The following CAMK2B variants were observed in gnomAD, a reference collection of about 807,000 sequenced individuals.
CAMK2B encodes calcium/calmodulin-dependent protein kinase type II subunit beta.
CAMK2B carries 27 observed loss-of-function variants against 93.7 expected under a neutral mutation model. The ratio of observed to expected loss-of-function variants is 0.29; its 90% CI spans 0.21 to 0.40. The LOEUF is 0.40. CAMK2B is among the 10% of genes least tolerant of loss of function. The probability of loss-of-function intolerance (pLI) is 1.00; values close to 1 mark genes in which losing one functional copy is unlikely to be tolerated. For missense variants in CAMK2B, 568 were observed against 895.8 expected (o/e 0.63, Z 4.67); for synonymous variants, 374 against 358.8 (o/e 1.04, Z -0.48).
At chr7:44,274,371 TC>T (rs1429263408) in intron 2 of CAMK2B, among the ~76,000 whole-genome samples, 1 of 152,058 alleles carries the variant, frequency 6.6e-6, no homozygotes, top group Admixed American at 6.5e-5. Context: ...CTGCAGCTGT[TC>T]CCCCTCGAGC....
rs551329197 is a variant in CAMK2B, at chr7:44,244,326, C to A, written c.415-799G>T. 2.0e-5 allele frequency among the ~76,000 whole-genome samples: 3 copies of A among 152,296 alleles called. No individual in the cohort carries two copies. The East Asian group carries it at 5.8e-4, about 29-fold the overall frequency. ...CAAGGAGGCCTGGGGGCACTTGGCA[C>A]TGAGGGCCTGAGGGGGTCCCAGGGC... On this transcript the variant is annotated intron_variant, in intron 6 of 23. Coordinates refer to ENST00000395749, the MANE Select transcript of CAMK2B (RefSeq NM_001220.5).
In CAMK2B at chr7:44,247,113, G is replaced by T; in HGVS notation, c.414+7C>A. 6.2e-7 allele frequency: 1 copy of T among 1,610,466 alleles called. No homozygotes were observed. The highest frequency in any genetic ancestry group is 8.5e-7 in the Non-Finnish European group (1 of 1,176,788). On this transcript the variant is annotated splice_region_variant and intron_variant, in intron 6 of 23. Transcript: ENST00000395749. ...GACACCTGGCACAGAGTGGGGTGGG[G>T]ACTCACCTTGAGGTCTCTGTGGACG...
At chr7:44,277,177 G>A (rs932256929) in intron 2 of CAMK2B, among the ~76,000 whole-genome samples, 3 of 152,310 alleles carry the variant, frequency 2.0e-5, no homozygotes, top group Non-Finnish European at 4.4e-5. Flanking sequence ...GCGGGCGGGG[G>A]GTTGGGGTAG....
At chr7:44,298,723 A>G (rs569692502) in intron 1 of CAMK2B, among the ~76,000 whole-genome samples, 27 of 152,372 alleles carry the variant, frequency 1.8e-4, no homozygotes, top group African/African-American at 6.0e-4. Context: ...AAGAACTTGA[A>G]TAGACATTTC....
chr7:44,313,605 A>C (rs1217630428), intron 1 of CAMK2B, among the ~76,000 whole-genome samples: 3 of 151,326 alleles, frequency 2.0e-5, no homozygotes, highest in Admixed American at 2.0e-4. Context: ...TCAGTCACAC[A>C]GCCCTGAAAG....
Position 44,220,676 on chromosome 7 carries a change from G to A in CAMK2B, c.1708C>T (p.Pro570Ser), listed in dbSNP as rs773658061. The change falls in exon 22 of 24, where the codon CCT becomes TCT. Residue 570 changes from proline to serine, a missense_variant. Pro to Ser is a moderately conservative substitution (Grantham distance 74, BLOSUM62 -1). This residue lies in a region of CAMK2B where 116 missense variants were observed against 188.0 expected (regional missense o/e 0.62). Coordinates refer to ENST00000395749, the MANE Select transcript of CAMK2B (RefSeq NM_001220.5). ...ICDPGLTSFE[P>S]EALGNLVEGM... The stretch of plus-strand genomic sequence containing the variant: ...TCAACCAGGTTGCCCAGTGCTTCAG[G>A]CTCAAACGAGGTCAGCCCTGGGTCA... 2 of 1,613,618 alleles carry A rather than the reference G, an allele frequency of 1.2e-6. No homozygotes were observed. The highest frequency in any genetic ancestry group is 8.5e-7 in the Non-Finnish European group (1 of 1,179,894).
At chr7:44,262,200 C>T (rs375555010) in intron 3 of CAMK2B, among the ~76,000 whole-genome samples, 1 of 152,206 alleles carries the variant, frequency 6.6e-6, no homozygotes, top group African/African-American at 2.4e-5. Flanking sequence ...CCCAGCTGTT[C>T]CTTTGGAACA....
At chr7:44,318,908 G>C (rs2116492237) in intron 1 of CAMK2B, among the ~76,000 whole-genome samples, 1 of 152,306 alleles carries the variant, frequency 6.6e-6, no homozygotes, top group East Asian at 1.9e-4. Flanking sequence ...CTCAACAAGT[G>C]ACCCTCTAAC....
chr7:44,237,283 CA>C (rs932629108), intron 13 of CAMK2B, among the ~76,000 whole-genome samples: 1 of 152,230 alleles, frequency 6.6e-6, no homozygotes, highest in African/African-American at 2.4e-5. Context: ...TTGAGTCTAT[CA>C]AAACCTGCAT....
chr7:44,223,330 T>G (rs1008247228), intron 20 of CAMK2B, among the ~76,000 whole-genome samples: 4 of 152,210 alleles, frequency 2.6e-5, no homozygotes, highest in Non-Finnish European at 1.5e-5. Context: ...ATGTCATGGA[T>G]GGTCCTCAGG....
chr7:44,257,257 G>A (rs1357409310), intron 4 of CAMK2B, among the ~76,000 whole-genome samples: 2 of 152,166 alleles, frequency 1.3e-5, no homozygotes, highest in African/African-American at 4.8e-5. Context: ...TGGCCTGGAG[G>A]CTGGCTGAGG....
intron 1 of CAMK2B, among the ~76,000 whole-genome samples, chr7:44,285,864 G>A (rs1209568863): frequency 2.3e-5 from 2 of 88,654 alleles, no homozygotes; most frequent in African/African-American, 8.6e-5. Context: ...CGGCGTGGGG[G>A]GCGCGGCGGG....
At position 44,225,864 on chromosome 7, in the gene CAMK2B, G is replaced by A. The variant is rs901747424; in HGVS notation, c.1597+652C>T. On this transcript the variant is annotated intron_variant, in intron 20 of 23. Transcript: ENST00000395749. This position sits in a 1 kb window ranked among gnomAD's most constrained non-coding sequence, Gnocchi z 5.0. ...CTGGTGTCTCCCCACAGGTGGGGGT[G>A]GCAGCAGCCCTGGGATGTCATCCAT... is the stretch of plus-strand genomic sequence containing the variant. 2.3e-6 allele frequency: 3 copies of A among 1,289,222 alleles called. No homozygotes were observed. Among genetic ancestry groups the A allele is most frequent in the Non-Finnish European group, 3.0e-6 (3 of 988,722 alleles). 79.9% of individuals were successfully genotyped at this position (1,289,222 alleles called of 1,614,324 possible).
At chr7:44,319,502 G>A (rs1445116820) in intron 1 of CAMK2B, among the ~76,000 whole-genome samples, 1 of 152,168 alleles carries the variant, frequency 6.6e-6, no homozygotes, top group Non-Finnish European at 1.5e-5. Flanking sequence ...AAAGGGGGAT[G>A]GAAAGATGGG....
chr7:44,247,061 G>A (rs1019118850), intron 6 of CAMK2B, 59 bp downstream of exon 6: 1 of 1,405,568 alleles, frequency 7.1e-7, no homozygotes, highest in African/African-American at 1.4e-5. Flanking sequence ...ACACTTCCTT[G>A]TACACAGCAT....
chr7:44,287,506 C>A (rs552883455), intron 1 of CAMK2B, among the ~76,000 whole-genome samples: 1 of 152,192 alleles, frequency 6.6e-6, no homozygotes, highest in African/African-American at 2.4e-5. Flanking sequence ...CAATCTGTCA[C>A]GGGAAGCCCC....
chr7:44,221,877 A>C (rs2096411846), intron 20 of CAMK2B, among the ~76,000 whole-genome samples: 1 of 152,106 alleles, frequency 6.6e-6, no homozygotes, highest in Admixed American at 6.5e-5. Flanking sequence ...TAGAACCCAC[A>C]CTCTACGGAT....
At chr7:44,258,278 C>T (rs754598138) in intron 4 of CAMK2B, among the ~76,000 whole-genome samples, 4 of 152,220 alleles carry the variant, frequency 2.6e-5, no homozygotes, top group Non-Finnish European at 5.9e-5. Flanking sequence ...TGCATGCATA[C>T]ACTTGTGCCA....
rs577120039 is a variant in CAMK2B, at chr7:44,244,082, C to T, written c.415-555G>A. ...GTGACCCCCAAAGGGCAAGGAGAAA[C>T]GCCCAGGGCCCTCAGCACTAGGGGC... On this transcript the variant is annotated intron_variant, in intron 6 of 23. Coordinates refer to ENST00000395749, the MANE Select transcript of CAMK2B (RefSeq NM_001220.5). 1.1e-4 allele frequency among the ~76,000 whole-genome samples: 17 copies of T among 152,300 alleles called. No homozygotes were observed. The East Asian group carries it at 2.3e-3, about 21-fold the overall frequency.
Sources: allele counts gnomAD v4.1 joint callset (sites outside exome capture counted in the v4.1 genomes callset), GRCh38; gene constraint gnomAD v4.1.1; regional missense constraint gnomAD v4.1.1; non-coding constraint Gnocchi (gnomAD v3.1); transcripts MANE v1.5; gene names NCBI Gene and HGNC (gene_info 2026-07-23, HGNC 2026-07-21).